CASZ1: variants seen among roughly 807,000 people sequenced by gnomAD.
CASZ1 encodes castor zinc finger 1.
In CASZ1, 28 loss-of-function variants were observed where a neutral mutation model predicts 135.2. The ratio of observed to expected loss-of-function variants is 0.21; its 90% CI spans 0.15 to 0.28. CASZ1 has a LOEUF of 0.28. CASZ1 is among the 10% of genes least tolerant of loss of function. CASZ1 has a pLI of 1.00. For synonymous variants in CASZ1, 1,068 were observed against 1,073.4 expected (o/e 0.99, Z 0.10); for missense variants, 2,161 against 2,453.3 (o/e 0.88, Z 2.52).
rs1255571865 is a variant in CASZ1, at chr1:10,697,254, C to T, written c.-23-3342G>A. 2.6e-5 allele frequency among the ~76,000 whole-genome samples: 4 copies of T among 151,770 alleles called. 1 individual carries two copies. Among genetic ancestry groups the T allele is most frequent in the Admixed American group, 2.6e-4 (4 of 15,214 alleles). Reference sequence around the variant, plus strand: ...CCCAGATTATGCGCCCCCCCCTTCTCTCTCTTTCTCTCTGAGTGTATCTGC... The same window carrying T: ...CCCAGATTATGCGCCCCCCCCTTCTTTCTCTTTCTCTCTGAGTGTATCTGC... On this transcript the variant is annotated intron_variant, in intron 3 of 20. Coordinates refer to ENST00000377022, the MANE Select transcript of CASZ1 (RefSeq NM_001079843.3). The surrounding 1 kb of genome is among the most constrained non-coding windows in gnomAD (Gnocchi z 4.7).
rs1004316951 is a variant in CASZ1 at position 10,720,559 on chromosome 1, C to G, written c.-76-15015G>C. On this transcript the variant is annotated intron_variant, in intron 2 of 20. Coordinates refer to ENST00000377022, the MANE Select transcript of CASZ1 (RefSeq NM_001079843.3). This position sits in a 1 kb window ranked among gnomAD's most constrained non-coding sequence, Gnocchi z 5.7. ...GGGAAGGTGGGAAGACTTGGGCAGTCCCATTTGCCTATCAAAAACTGTACA... is the reference window on the plus strand; with the variant it reads ...GGGAAGGTGGGAAGACTTGGGCAGTGCCATTTGCCTATCAAAAACTGTACA... 3.3e-5 allele frequency among the ~76,000 whole-genome samples: 5 copies of G among 152,212 alleles called. No individual in the cohort carries two copies. Among genetic ancestry groups the G allele is most frequent in the Non-Finnish European group, 7.3e-5 (5 of 68,044 alleles).
intron 20 of CASZ1, among the ~76,000 whole-genome samples, chr1:10,641,462 G>A (rs1324137721): frequency 6.6e-6 from 1 of 152,240 alleles, no homozygotes; most frequent in East Asian, 1.9e-4. Context: ...ATGCCATCCC[G>A]GTGGGTATCA....
At chr1:10,728,942 C>T (rs1269670256) in intron 2 of CASZ1, among the ~76,000 whole-genome samples, 1 of 152,182 alleles carries the variant, frequency 6.6e-6, no homozygotes, top group Non-Finnish European at 1.5e-5. Context: ...GGAAAACCAG[C>T]CCCTGAGAGG....
intron 2 of CASZ1, among the ~76,000 whole-genome samples, chr1:10,708,966 CGG>C (rs1417955680): frequency 3.8e-5 from 1 of 26,626 alleles, no homozygotes; most frequent in African/African-American, 9.8e-5. Flanking sequence ...GGATGGAGGA[CGG>C]GGAGGGGGGG....
In CASZ1 at chr1:10,646,329, G is replaced by A; in HGVS notation, c.3498-3C>T. 1.2e-6 allele frequency: 2 copies of A among 1,613,756 alleles called. No individual in the cohort carries two copies. The highest frequency in any genetic ancestry group is 1.7e-6 in the Non-Finnish European group (2 of 1,179,872). ...AGTCCGTGGCGAGGCAAGGATCGCT[G>A]GAAGGAAACCACAGCCCAGAAGGTC... On this transcript the variant is annotated splice_polypyrimidine_tract_variant and splice_region_variant and intron_variant, in intron 16 of 20. Coordinates refer to ENST00000377022, the MANE Select transcript of CASZ1 (RefSeq NM_001079843.3). The surrounding 1 kb of genome is among the most constrained non-coding windows in gnomAD (Gnocchi z 6.4).
At chr1:10,736,990 G>C (rs1038661280) in intron 2 of CASZ1, among the ~76,000 whole-genome samples, 2 of 152,232 alleles carry the variant, frequency 1.3e-5, no homozygotes, top group African/African-American at 4.8e-5. Context: ...TTCCTGAAAG[G>C]CTTCTGCAGA....
chr1:10,704,868 G>T, intron 3 of CASZ1, among the ~76,000 whole-genome samples: 1 of 152,250 alleles, frequency 6.6e-6, no homozygotes, highest in South Asian at 2.1e-4. Flanking sequence ...GACACAGCCC[G>T]TGAAGGCTGG....
In CASZ1 at chr1:10,700,076, T is replaced by C. The variant is rs776914; in HGVS notation, c.-24+5416A>G. On this transcript the variant is annotated intron_variant, in intron 3 of 20. Coordinates refer to ENST00000377022, the MANE Select transcript of CASZ1 (RefSeq NM_001079843.3). The surrounding 1 kb of genome is among the most constrained non-coding windows in gnomAD (Gnocchi z 4.2). ...AGAGAGACAGAGAGAGAAAGAGAGA[T>C]AGAGACACACACACACACACACACA... is the stretch of plus-strand genomic sequence containing the variant. Among the ~76,000 whole-genome samples the C allele has an allele frequency of 2.1e-4, 12 of 56,534 alleles. No individual in the cohort carries two copies. The highest frequency in any genetic ancestry group is 1.4e-3 in the East Asian group (3 of 2,082). 37.1% of individuals were successfully genotyped at this position (56,534 alleles called of 152,430 possible).
Position 10,679,751 on chromosome 1 carries a change from A to AC in CASZ1, c.16+14122dup, listed in dbSNP as rs980737610. The stretch of plus-strand genomic sequence containing the variant: ...TCCACTTCAGGTTTTCCATACTACA[A>AC]CCCCGAGTGTCACCACAGGGTCCGG... On this transcript the variant is annotated intron_variant, in intron 4 of 20. Coordinates refer to ENST00000377022, the MANE Select transcript of CASZ1 (RefSeq NM_001079843.3). This position sits in a 1 kb window ranked among gnomAD's most constrained non-coding sequence, Gnocchi z 4.7. 1.3e-5 allele frequency among the ~76,000 whole-genome samples: 2 copies of AC among 151,524 alleles called. No homozygotes were observed. Among genetic ancestry groups the AC allele is most frequent in the African/African-American group, 4.9e-5 (2 of 41,186 alleles).
At chr1:10,648,782 C>A (rs1033806114) in intron 15 of CASZ1, 9 of 448,184 alleles carry the variant, frequency 2.0e-5, no homozygotes, top group Non-Finnish European at 3.7e-5. Flanking sequence ...GCCTGCTCTG[C>A]AGGGAGCACG....
chr1:10,674,959 C>T lies in CASZ1; in HGVS notation c.17-9388G>A, dbSNP rs577047556. ...GGGGAGCAGCCCTGGCTGCCCCAAG[C>T]CCTCCGTGGGGATGCAAGGGGAGCG... On this transcript the variant is annotated intron_variant, in intron 4 of 20. Coordinates refer to ENST00000377022, the MANE Select transcript of CASZ1 (RefSeq NM_001079843.3). Among the ~76,000 whole-genome samples the T allele has an allele frequency of 2.0e-5, 3 of 152,322 alleles. No individual in the cohort carries two copies. The East Asian group carries it at 5.8e-4, about 29-fold the overall frequency.
At chr1:10,696,679 C>T (rs779761130) in intron 3 of CASZ1, among the ~76,000 whole-genome samples, 16 of 152,356 alleles carry the variant, frequency 1.1e-4, no homozygotes, top group Non-Finnish European at 1.9e-4. Flanking sequence ...AGGAGGAAGC[C>T]TGGAGGCAAG....
At position 10,639,050 on chromosome 1, in the gene CASZ1, G is replaced by A; in HGVS notation, c.5172C>T (p.Pro1724=). 3 of 1,069,622 alleles carry A rather than the reference G, an allele frequency of 2.8e-6. No individual in the cohort carries two copies. Among genetic ancestry groups the A allele is most frequent in the Middle Eastern group, 4.1e-4 (1 of 2,446 alleles). The allele number at this position is 1,069,622 out of a possible 1,614,324, so 66.3% of individuals were successfully genotyped here. A position where few individuals can be genotyped will look rare whatever the true frequency, so the allele number is the denominator to read the frequency against. ...CGCCCGCCGCCTCCGCCGCCGCCTC[G>A]GGCAGCGACTCCTCCGAGTCGGTGC... ...DLRTDSEESL[P]EAAAEAAGAG... Residue 1724 remains proline (P), a synonymous_variant, in exon 21 of 21, where the codon CCC becomes CCT. Transcript: ENST00000377022. This position sits in a 1 kb window ranked among gnomAD's most constrained non-coding sequence, Gnocchi z 4.0.
At chr1:10,729,639 G>A (rs540154386) in intron 2 of CASZ1, among the ~76,000 whole-genome samples, 2 of 152,192 alleles carry the variant, frequency 1.3e-5, no homozygotes, top group Non-Finnish European at 2.9e-5. Flanking sequence ...AGTCCCCATA[G>A]TGGAACACAG....
intron 4 of CASZ1, among the ~76,000 whole-genome samples, chr1:10,674,955 C>T (rs1454202363): frequency 6.6e-6 from 1 of 152,224 alleles, no homozygotes; most frequent in Non-Finnish European, 1.5e-5. Context: ...CTGGCTGCCC[C>T]AAGCCCTCCG....
Position 10,698,308 on chromosome 1 carries a change from G to A in CASZ1, c.-23-4396C>T, listed in dbSNP as rs115141721. ...GGAAAATTATAGTGAAATTCATGAC[G>A]GAGAAATCCGATTATCCCTAATTCA... On this transcript the variant is annotated intron_variant, in intron 3 of 20. Transcript: ENST00000377022. Among the ~76,000 whole-genome samples, 850 of 152,286 alleles carry A rather than the reference G, an allele frequency of 5.6e-3. 12 individuals are homozygous for A. Among genetic ancestry groups the A allele is most frequent in the African/African-American group, 0.019 (794 of 41,554 alleles).
intron 5 of CASZ1, chr1:10,661,136 G>A (rs4845943): frequency 0.11 from 17,755 of 156,684 alleles, 1,255 homozygotes; most frequent in Middle Eastern, 0.23. Flanking sequence ...CCCAGGTGCT[G>A]AGGGTCCCTG....
intron 2 of CASZ1, among the ~76,000 whole-genome samples, chr1:10,718,513 C>T (rs546729735): frequency 3.4e-4 from 52 of 152,372 alleles, no homozygotes; most frequent in African/African-American, 1.1e-3. Context: ...GAGGGCACGC[C>T]AGGCTCCTTC....
Position 10,646,460 on chromosome 1 carries a change from T to C in CASZ1, c.3498-134A>G. 1 of 794,752 alleles carries C rather than the reference T, an allele frequency of 1.3e-6. No individual in the cohort carries two copies. Among genetic ancestry groups the C allele is most frequent in the East Asian group, 2.7e-5 (1 of 37,530 alleles). 49.2% of individuals were successfully genotyped at this position (794,752 alleles called of 1,614,324 possible). A position where few individuals can be genotyped will look rare whatever the true frequency, so the allele number is the denominator to read the frequency against. On this transcript the variant is annotated intron_variant, in intron 16 of 20. Coordinates refer to ENST00000377022, the MANE Select transcript of CASZ1 (RefSeq NM_001079843.3). This position sits in a 1 kb window ranked among gnomAD's most constrained non-coding sequence, Gnocchi z 6.4. ...CCAAGAGGGATGGCCTGGGCTGCTG[T>C]CCTGCTCAACAGGATGACTCAGCTG...
Sources: allele counts gnomAD v4.1 joint callset (sites outside exome capture counted in the v4.1 genomes callset), GRCh38; gene constraint gnomAD v4.1.1; non-coding constraint Gnocchi (gnomAD v3.1); transcripts MANE v1.5; gene names NCBI Gene and HGNC (gene_info 2026-07-23, HGNC 2026-07-21).